Variants in INSR observed in about 807,000 individuals in gnomAD.
INSR encodes the protein IR.
In INSR, 67 loss-of-function variants were observed where a neutral mutation model predicts 142.6. The ratio of observed to expected loss-of-function variants is 0.47; its 90% CI spans 0.39 to 0.58. The LOEUF is 0.58. INSR is among the 20% of genes least tolerant of loss of function. INSR has a pLI of 0.00. For missense variants in INSR, 1,248 were observed against 1,833.2 expected (o/e 0.68, Z 5.83); for synonymous variants, 756 against 743.1 (o/e 1.02, Z -0.28).
At chr19:7,217,705 G>GC (rs1354590447) in intron 2 of INSR, among the ~76,000 whole-genome samples, 9 of 152,192 alleles carry the variant, frequency 5.9e-5, no homozygotes, top group African/African-American at 2.2e-4. Context: ...GACTACAGGA[G>GC]CCCGCCACCA....
rs555680377 is a variant in INSR, at chr19:7,115,815, C to T, written c.*1241G>A. On this transcript the variant is annotated 3_prime_UTR_variant, in exon 22 of 22. Coordinates refer to ENST00000302850, the MANE Select transcript of INSR (RefSeq NM_000208.4). ...CCAGACCATCCATAAAACCTAGTCTCTCACACACTCCACGTGGCCTCACAA... is the reference window on the plus strand; with the variant it reads ...CCAGACCATCCATAAAACCTAGTCTTTCACACACTCCACGTGGCCTCACAA... The T allele has an allele frequency of 6.6e-6, 1 of 152,378 alleles. No homozygotes were observed. The highest frequency in any genetic ancestry group is 1.9e-4 in the East Asian group (1 of 5,168). The allele number at this position is 152,378 out of a possible 1,614,324, so 9.4% of individuals were successfully genotyped here. A position where few individuals can be genotyped will look rare whatever the true frequency, so the allele number is the denominator to read the frequency against.
At chr19:7,174,772 G>C in intron 3 of INSR, 41 bp from the exon 4 acceptor site, 1 of 1,600,204 alleles carries the variant, frequency 6.2e-7, no homozygotes, top group Non-Finnish European at 8.5e-7. Flanking sequence ...GAAAGGGGAG[G>C]GGGGTGTCAC....
chr19:7,234,802 G>A (rs1027533830), intron 2 of INSR, among the ~76,000 whole-genome samples: 1 of 152,140 alleles, frequency 6.6e-6, no homozygotes, highest in African/African-American at 2.4e-5. Context: ...GCTCATGCCT[G>A]TAATCCCAAC....
chr19:7,165,127 A>AAAAACAAAAC (rs76880492), intron 8 of INSR, among the ~76,000 whole-genome samples: 10 of 150,550 alleles, frequency 6.6e-5, no homozygotes, highest in Non-Finnish European at 1.2e-4. Flanking sequence ...CTCTGTCTCA[A>AAAAACAAAAC]AAAACAAAAC....
At position 7,294,318 on chromosome 19, in the gene INSR, C is replaced by T. The variant is rs1191761736; in HGVS notation, c.-427G>A. On this transcript the variant is annotated 5_prime_UTR_variant, in exon 1 of 22. Transcript: ENST00000302850. ...GGCGGGCACCTGGGCTGGCGGGTGG[C>T]GGGCGGGCGGCGGGAGAGAGGGCTG... Among the ~76,000 whole-genome samples the T allele has an allele frequency of 7.9e-5, 10 of 126,392 alleles. No homozygotes were observed. Among genetic ancestry groups the T allele is most frequent in the African/African-American group, 2.9e-4 (10 of 34,470 alleles). The allele number at this position is 126,392 out of a possible 152,430, so 82.9% of individuals were successfully genotyped here. A position where few individuals can be genotyped will look rare whatever the true frequency, so the allele number is the denominator to read the frequency against.
chr19:7,184,489 G>C lies in INSR; in HGVS notation c.801C>G (p.Thr267=). The C allele has an allele frequency of 6.2e-7, 1 of 1,614,000 alleles. No individual in the cohort carries two copies. Among genetic ancestry groups the C allele is most frequent in the Non-Finnish European group, 8.5e-7 (1 of 1,180,020 alleles). Residue 267 remains threonine (T), a synonymous_variant, in exon 3 of 22, where the codon ACC becomes ACG. Coordinates refer to ENST00000302850, the MANE Select transcript of INSR (RefSeq NM_000208.4). ...GGAAGTGGTAGTACGGGGGCGGGCA[G>C]GTCTCCACACACCTGCCGTCCAGGT... ...NFYLDGRCVE[T]CPPPYYHFQD...
intron 6 of INSR, among the ~76,000 whole-genome samples, chr19:7,169,734 C>T (rs904785687): frequency 6.6e-6 from 1 of 152,202 alleles, no homozygotes; most frequent in African/African-American, 2.4e-5. Context: ...AAGTCTTCAG[C>T]ATCAGCCTGA....
chr19:7,251,164 T>C (rs1243691560), intron 2 of INSR, among the ~76,000 whole-genome samples: 1 of 150,978 alleles, frequency 6.6e-6, no homozygotes, highest in Admixed American at 6.6e-5. Flanking sequence ...CCAAAAAATA[T>C]CTCCAGACAT....
intron 13 of INSR, among the ~76,000 whole-genome samples, chr19:7,140,318 T>G (rs1167504108): frequency 6.6e-6 from 1 of 152,330 alleles, no homozygotes; most frequent in East Asian, 1.9e-4. Flanking sequence ...CAACTAAACC[T>G]GGTCCACCAC....
At chr19:7,222,070 A>G (rs1380522142) in intron 2 of INSR, among the ~76,000 whole-genome samples, 1 of 150,228 alleles carries the variant, frequency 6.7e-6, no homozygotes, top group Admixed American at 6.7e-5. Flanking sequence ...GGGAAAGGCT[A>G]AGTCAGAGTC....
intron 9 of INSR, among the ~76,000 whole-genome samples, chr19:7,157,362 G>A (rs1157032776): frequency 6.6e-6 from 1 of 151,462 alleles, no homozygotes; most frequent in South Asian, 2.1e-4. Flanking sequence ...TGATCCACCC[G>A]CCTTGGCCTC....
Position 7,142,556 on chromosome 19 carries a change from G to A in INSR, c.2542+260C>T, listed in dbSNP as rs533463710. Among the ~76,000 whole-genome samples, 10 of 152,006 alleles carry A rather than the reference G, an allele frequency of 6.6e-5. No homozygotes were observed. The East Asian group carries it at 9.7e-4, about 15-fold the overall frequency. ...CTAAAAATACAAAAATTAGCTGGGC[G>A]TGGTGGCAGACACCTGTAGTCCCAG... is the stretch of plus-strand genomic sequence containing the variant. On this transcript the variant is annotated intron_variant, in intron 12 of 21. Coordinates refer to ENST00000302850, the MANE Select transcript of INSR (RefSeq NM_000208.4).
Position 7,128,883 on chromosome 19 carries a change from T to C in INSR, c.2914A>G (p.Ile972Val), listed in dbSNP as rs1972710412. The change falls in exon 15 of 22, where the codon ATT (isoleucine) becomes GTT (valine). Residue 972 changes from isoleucine to valine, a missense_variant. Physicochemically the swap from Ile to Val is conservative, Grantham distance 29. This residue lies in a region of INSR where 1,069 missense variants were observed against 1,654.0 expected (regional missense o/e 0.65). Transcript: ENST00000302850. ...CTCAGGAATAGATAAATACTTCCAA[T>C]CACAACACTGAAGAGAAAGACAAAG... is the stretch of plus-strand genomic sequence containing the variant. ...LIFVFLFSVV[I>V]GSIYLFLRKR... The C allele has an allele frequency of 6.2e-7, 1 of 1,613,782 alleles. No individual in the cohort carries two copies. Among genetic ancestry groups the C allele is most frequent in the South Asian group, 1.1e-5 (1 of 91,090 alleles).
At chr19:7,177,702 A>ATTTTTTTTT (rs71177166) in intron 3 of INSR, among the ~76,000 whole-genome samples, 146 of 90,288 alleles carry the variant, frequency 1.6e-3, no homozygotes, top group Middle Eastern at 8.1e-3. Flanking sequence ...CTAATTTTGT[A>ATTTTTTTTT]TTTTTTTTTT....
At chr19:7,209,508 C>A (rs1017276572) in intron 2 of INSR, among the ~76,000 whole-genome samples, 3 of 152,102 alleles carry the variant, frequency 2.0e-5, no homozygotes, top group Non-Finnish European at 4.4e-5. Context: ...GCCTCGACTT[C>A]CCAGGCTTAA....
At chr19:7,272,295 A>G (rs924040243) in intron 1 of INSR, among the ~76,000 whole-genome samples, 1 of 151,562 alleles carries the variant, frequency 6.6e-6, no homozygotes, top group African/African-American at 2.4e-5. Flanking sequence ...AAAGAGTGAG[A>G]CTCCGTCTCT....
intron 9 of INSR, among the ~76,000 whole-genome samples, chr19:7,153,323 C>T (rs111700899): frequency 0.035 from 105 of 2,990 alleles, 1 homozygote; most frequent in Non-Finnish European, 0.057. Context: ...ACACACACAC[C>T]ACACACACCC....
rs544385909 is a variant in INSR at position 7,285,449 on chromosome 19, G to A, written c.100+8343C>T. 2.2e-4 allele frequency among the ~76,000 whole-genome samples: 34 copies of A among 151,862 alleles called. No homozygotes were observed. The South Asian group carries it at 6.3e-3, about 28-fold the overall frequency. ...TGGGCAACAGAGTTAGTGAGACTCC[G>A]TCTCAAAAATAAATAAATAAATAAA... On this transcript the variant is annotated intron_variant, in intron 1 of 21. Transcript: ENST00000302850.
chr19:7,152,872 C>T lies in INSR; in HGVS notation c.2085G>A (p.Gln695=). The T allele has an allele frequency of 6.2e-7, 1 of 1,613,206 alleles. No individual in the cohort carries two copies. The highest frequency in any genetic ancestry group is 1.7e-5 in the Admixed American group (1 of 59,978). The change falls in exon 10 of 22, where the codon CAG becomes CAA. Residue 695 remains glutamine (Q), a synonymous_variant. Transcript: ENST00000302850. ...CCTCATACTCACTCTGGTTGTGCTT[C>T]TGAGAATCTTCAGACTCGAATGGTG... The part of the protein sequence containing the change: ...WSPPFESEDS[Q]KHNQSEYEDS...
Sources: gnomAD v4.1 joint callset for allele counts (sites outside exome capture counted in the v4.1 genomes callset) on GRCh38, gnomAD v4.1.1 for gene constraint, gnomAD v4.1.1 regional missense constraint, MANE v1.5 for transcripts, NCBI Gene and HGNC (gene_info 2026-07-23, HGNC 2026-07-21) for gene names.